Variants in LAMA2 observed in about 807,000 individuals in gnomAD.
LAMA2 encodes laminin subunit alpha-2.
Under a neutral mutation model 364.8 loss-of-function variants are expected in LAMA2, and 269 were observed. That is an observed-to-expected ratio of 0.74 (90% confidence interval 0.67 to 0.82). The LOEUF is 0.82. Among genes scored for constraint, LAMA2 ranks in the 40% least tolerant of loss-of-function variants. LAMA2 has a pLI of 0.00. For missense variants in LAMA2, 3,807 were observed against 3,873.2 expected (o/e 0.98, Z 0.45); for synonymous variants, 1,379 against 1,370.6 (o/e 1.01, Z -0.14).
At chr6:128,888,631 G>T (rs374630633) in intron 1 of LAMA2, among the ~76,000 whole-genome samples, 8 of 152,282 alleles carry the variant, frequency 5.3e-5, no homozygotes, top group South Asian at 4.1e-4. Flanking sequence ...GATTTGTGCA[G>T]TTATCAGGGG....
intron 1 of LAMA2, among the ~76,000 whole-genome samples, chr6:128,919,855 G>A (rs145910867): frequency 6.6e-6 from 1 of 152,148 alleles, no homozygotes; most frequent in Non-Finnish European, 1.5e-5. Context: ...TACAACTGCT[G>A]CCCCAGCCTA....
intron 3 of LAMA2, among the ~76,000 whole-genome samples, chr6:129,072,574 TTCAAATTACCATATTC>T (rs1176405273): frequency 3.9e-5 from 6 of 152,294 alleles, no homozygotes; most frequent in Admixed American, 3.3e-4. Context: ...GATATATGGG[TTCAAATTACCATATTC>T]TCATCTGTTT....
intron 58 of LAMA2, among the ~76,000 whole-genome samples, chr6:129,501,052 C>T (rs1460956391): frequency 6.6e-6 from 1 of 152,202 alleles, no homozygotes; most frequent in African/African-American, 2.4e-5. Flanking sequence ...CCCCAGTGGA[C>T]TCACAGCAGA....
chr6:129,470,210 T>G (rs555831005), intron 51 of LAMA2, among the ~76,000 whole-genome samples: 2 of 151,860 alleles, frequency 1.3e-5, no homozygotes, highest in African/African-American at 4.8e-5. Context: ...CTCTCTAGTT[T>G]AGTAGATTGG....
At position 129,251,303 on chromosome 6, in the gene LAMA2, T is replaced by G. The variant is rs530854848; in HGVS notation, c.1885-781T>G. On this transcript the variant is annotated intron_variant, in intron 13 of 64. Transcript: ENST00000421865. ...TTAGACTGCAGTCTTTTTTGTTGTT[T>G]GTTTTTTCCCATGTAGTAAGTTCCT... Among the ~76,000 whole-genome samples, 3 of 152,166 alleles carry G rather than the reference T, an allele frequency of 2.0e-5. No individual in the cohort carries two copies. The South Asian group carries it at 6.2e-4, about 32-fold the overall frequency.
At chr6:129,451,782 G>A (rs1346738265) in intron 45 of LAMA2, among the ~76,000 whole-genome samples, 3 of 152,126 alleles carry the variant, frequency 2.0e-5, no homozygotes, top group Admixed American at 6.5e-5. Context: ...CCTTGGAGAA[G>A]GGCCACAGTT....
chr6:129,080,276 C>T (rs1012973687), intron 3 of LAMA2, among the ~76,000 whole-genome samples: 1 of 152,148 alleles, frequency 6.6e-6, no homozygotes. Flanking sequence ...GAATCCAGTT[C>T]TTTCTGATGT....
At chr6:129,035,358 A>T in intron 1 of LAMA2, among the ~76,000 whole-genome samples, 1 of 119,210 alleles carries the variant, frequency 8.4e-6, no homozygotes, top group African/African-American at 3.1e-5. Flanking sequence ...TAATGGAGCT[A>T]TTTGTTTTTT....
chr6:128,924,618 A>G (rs936874033), intron 1 of LAMA2, among the ~76,000 whole-genome samples: 3 of 152,152 alleles, frequency 2.0e-5, no homozygotes, highest in Non-Finnish European at 4.4e-5. Context: ...TGAAAAATTT[A>G]TACTCCCCTC....
At chr6:129,069,886 T>G (rs1406724573) in intron 3 of LAMA2, among the ~76,000 whole-genome samples, 2 of 150,330 alleles carry the variant, frequency 1.3e-5, no homozygotes, top group Non-Finnish European at 3.0e-5. Flanking sequence ...GCTATATGTA[T>G]TTATATGTAC....
At chr6:129,468,147 T>C (rs1030198589) in intron 51 of LAMA2, among the ~76,000 whole-genome samples, 1 of 151,880 alleles carries the variant, frequency 6.6e-6, no homozygotes, top group Admixed American at 6.6e-5. Flanking sequence ...ATTCTCACTT[T>C]TATTTTGGGT....
At chr6:129,396,897 G>A (rs1779670052) in intron 37 of LAMA2, among the ~76,000 whole-genome samples, 1 of 151,130 alleles carries the variant, frequency 6.6e-6, no homozygotes, top group South Asian at 2.1e-4. Context: ...GATTGCTTGA[G>A]CCCAGAAGTT....
chr6:129,045,173 A>G (rs1787388951), intron 1 of LAMA2, among the ~76,000 whole-genome samples: 1 of 152,182 alleles, frequency 6.6e-6, no homozygotes, highest in South Asian at 2.1e-4. Context: ...TTCCCTGACC[A>G]TAAAACAAGG....
chr6:129,249,579 T>G (rs1473000839), intron 12 of LAMA2, among the ~76,000 whole-genome samples: 1 of 152,218 alleles, frequency 6.6e-6, no homozygotes, highest in Non-Finnish European at 1.5e-5. Flanking sequence ...TTGTTTGAAT[T>G]TTAATATAAA....
At chr6:129,330,987 G>GC (rs1446262930) in intron 29 of LAMA2, among the ~76,000 whole-genome samples, 1 of 151,960 alleles carries the variant, frequency 6.6e-6, no homozygotes, top group African/African-American at 2.4e-5. Context: ...TCCTGCCTCA[G>GC]CCTCCTGAGT....
intron 4 of LAMA2, among the ~76,000 whole-genome samples, chr6:129,137,433 A>G (rs1175543225): frequency 6.6e-6 from 1 of 152,100 alleles, no homozygotes; most frequent in East Asian, 1.9e-4. Flanking sequence ...CTCTGCTAGT[A>G]TACTAAAAAA....
At chr6:129,398,671 A>G (rs2114686690) in intron 37 of LAMA2, among the ~76,000 whole-genome samples, 1 of 151,820 alleles carries the variant, frequency 6.6e-6, no homozygotes, top group South Asian at 2.1e-4. Context: ...ACGAGGTTTC[A>G]CCATGTTGGC....
chr6:129,320,471 T>C, intron 27 of LAMA2, 67 bp from the exon 28 acceptor site: 3 of 915,282 alleles, frequency 3.3e-6, no homozygotes, highest in Non-Finnish European at 5.5e-6. Context: ...TGCTGTAGGA[T>C]TGATTGTTTA....
At chr6:128,985,866 T>A (rs1386299031) in intron 1 of LAMA2, among the ~76,000 whole-genome samples, 2 of 152,166 alleles carry the variant, frequency 1.3e-5, no homozygotes, top group Non-Finnish European at 2.9e-5. Flanking sequence ...AATTATTTCA[T>A]CCCATCAAAT....
Sources: allele counts gnomAD v4.1 joint callset (sites outside exome capture counted in the v4.1 genomes callset), GRCh38; gene constraint gnomAD v4.1.1; transcripts MANE v1.5; gene names NCBI Gene and HGNC (gene_info 2026-07-23, HGNC 2026-07-21).